The following FDFT1 variants were observed in gnomAD, a reference collection of about 807,000 sequenced individuals.
The protein encoded by FDFT1 is squalene synthase.
In FDFT1, 68 loss-of-function variants were observed where a neutral mutation model predicts 46.8. The ratio of observed to expected loss-of-function variants is 1.45; its 90% CI spans 1.19 to 1.78. The LOEUF is 1.78. FDFT1 is among the 40% of genes most tolerant of loss of function. The probability of loss-of-function intolerance (pLI) is 0.00; values close to 1 mark genes in which losing one functional copy is unlikely to be tolerated. For synonymous variants in FDFT1, 351 were observed against 185.1 expected, an observed-to-expected ratio of 1.90 and a Z score of -7.28; for missense variants, 928 against 524.4, an observed-to-expected ratio of 1.77 and a Z score of -7.52.
At chr8:11,832,217 C>G (rs776727096) in intron 7 of FDFT1, among the ~76,000 whole-genome samples, 81 of 151,776 alleles carry the variant, frequency 5.3e-4, no homozygotes, top group Non-Finnish European at 1.0e-3. Flanking sequence ...AAAAAGAAAA[C>G]TTACCTTCTT....
At chr8:11,803,414 T>C in intron 1 of FDFT1, 1 of 1,288,916 alleles carries the variant, frequency 7.8e-7, no homozygotes, top group Non-Finnish European at 1.0e-6. Context: ...CTGCCTTCCA[T>C]CGCTTCATCC....
chr8:11,837,613 G>C (rs895861005), intron 7 of FDFT1, among the ~76,000 whole-genome samples: 8 of 152,134 alleles, frequency 5.3e-5, no homozygotes, highest in Non-Finnish European at 1.2e-4. Flanking sequence ...TGGACCATGG[G>C]TGGCCTTGCG....
intron 6 of FDFT1, among the ~76,000 whole-genome samples, chr8:11,830,867 C>A (rs929151063): frequency 1.6e-4 from 24 of 152,304 alleles, no homozygotes; most frequent in South Asian, 8.3e-4. Context: ...TAGGAACTTA[C>A]ACTTTTTAGT....
At chr8:11,807,835 C>G (rs989477937) in intron 1 of FDFT1, 1 of 152,168 alleles carries the variant, frequency 6.6e-6, no homozygotes, top group African/African-American at 2.4e-5. Context: ...CAGGGTTGGA[C>G]AGTGGTAGTA....
intron 3 of FDFT1, among the ~76,000 whole-genome samples, chr8:11,817,989 T>G (rs1358324050): frequency 6.6e-6 from 1 of 152,238 alleles, no homozygotes; most frequent in Non-Finnish European, 1.5e-5. Flanking sequence ...CTTTCTCTTG[T>G]GAGCATTTAG....
chr8:11,806,110 G>A (rs974791817), intron 1 of FDFT1, among the ~76,000 whole-genome samples: 4 of 152,174 alleles, frequency 2.6e-5, no homozygotes, highest in African/African-American at 9.7e-5. Context: ...GTTCACTTGT[G>A]GAACTTTCAG....
chr8:11,834,355 G>T (rs1181143414), intron 7 of FDFT1, among the ~76,000 whole-genome samples: 2 of 152,224 alleles, frequency 1.3e-5, no homozygotes, highest in Non-Finnish European at 2.9e-5. Flanking sequence ...TTTTGGGATA[G>T]AAATAAATGC....
At chr8:11,824,199 C>T (rs1027883918) in intron 4 of FDFT1, among the ~76,000 whole-genome samples, 9 of 152,018 alleles carry the variant, frequency 5.9e-5, no homozygotes, top group African/African-American at 2.2e-4. Flanking sequence ...CAGAGCTTAC[C>T]TTCTTTACTT....
chr8:11,821,251 G>C (rs1228375108), intron 3 of FDFT1, among the ~76,000 whole-genome samples: 1 of 152,200 alleles, frequency 6.6e-6, no homozygotes, highest in African/African-American at 2.4e-5. Context: ...AGAAACATTA[G>C]CATTTTTAGA....
intron 3 of FDFT1, among the ~76,000 whole-genome samples, chr8:11,814,693 A>C (rs1808198454): frequency 6.6e-6 from 1 of 152,232 alleles, no homozygotes; most frequent in South Asian, 2.1e-4. Context: ...TGGACTATGG[A>C]AAAAGTATTG....
At chr8:11,804,600 CTTTTTTTTTTTTTT>C in intron 1 of FDFT1, among the ~76,000 whole-genome samples, 1 of 97,356 alleles carries the variant, frequency 1.0e-5, no homozygotes, top group Admixed American at 1.4e-4. Flanking sequence ...CTTAGTTTCT[CTTTTTTTTTTTTTT>C]TTTTTTTGAG....
At chr8:11,804,283 TCTTTC>T (rs1455758066) in intron 1 of FDFT1, among the ~76,000 whole-genome samples, 1 of 152,162 alleles carries the variant, frequency 6.6e-6, no homozygotes, top group Non-Finnish European at 1.5e-5. Context: ...CCTCTATGTC[TCTTTC>T]CTTTCTACAG....
At chr8:11,826,823 A>T (rs913169060) in intron 5 of FDFT1, among the ~76,000 whole-genome samples, 3 of 152,166 alleles carry the variant, frequency 2.0e-5, no homozygotes, top group African/African-American at 7.2e-5. Context: ...TCAAAAGAAG[A>T]GGAAGGGCTT....
upstream of FDFT1, chr8:11,802,395 G>A (rs1235341601): frequency 4.4e-6 from 2 of 456,708 alleles, no homozygotes; most frequent in Admixed American, 2.4e-5. Context: ...TTGGGCTCCT[G>A]CGCATCCTAA....
In FDFT1 at chr8:11,830,428, AG is replaced by A. The variant is rs1379778408; in HGVS notation, c.879+13del. 1 of 1,608,414 alleles carries A rather than the reference AG, an allele frequency of 6.2e-7. No individual in the cohort carries two copies. The highest frequency in any genetic ancestry group is 1.7e-5 in the Admixed American group (1 of 59,992). ...TTCTGTGCTATTCCACAGGTAGGGA[AG>A]GGGGCTCCTCTGGGTGGATACGGGG... On this transcript the variant is annotated intron_variant, in intron 6 of 7. Transcript: ENST00000220584.
chr8:11,823,001 C>T lies in FDFT1; in HGVS notation c.510+1123C>T, dbSNP rs556687531. On this transcript the variant is annotated intron_variant, in intron 4 of 7. Coordinates refer to ENST00000220584, the MANE Select transcript of FDFT1 (RefSeq NM_004462.5). ...AGACAGGGTCTTGCTGTTATCCAGG[C>T]TGGTGTGTAGTGGTGTGATCACGGC... Among the ~76,000 whole-genome samples the T allele has an allele frequency of 1.8e-3, 278 of 152,148 alleles. 2 individuals are homozygous for T. The highest frequency in any genetic ancestry group is 6.5e-3 in the African/African-American group (269 of 41,486).
intron 7 of FDFT1, among the ~76,000 whole-genome samples, chr8:11,837,532 C>T (rs1345676634): frequency 1.1e-4 from 16 of 152,280 alleles, no homozygotes; most frequent in African/African-American, 2.4e-4. Flanking sequence ...GTGCCTGGCC[C>T]GGCAACTGTT....
chr8:11,831,882 G>C lies in FDFT1; in HGVS notation c.1032+212G>C, dbSNP rs144590001. The C allele has an allele frequency of 3.2e-5, 16 of 494,466 alleles. No homozygotes were observed. In the East Asian group the frequency reaches 5.5e-4, roughly 17 times the overall value. 30.6% of individuals were successfully genotyped at this position (494,466 alleles called of 1,614,324 possible). A position where few individuals can be genotyped will look rare whatever the true frequency, so the allele number is the denominator to read the frequency against. ...GCTGTGTAGTACCCTGGTGAGAGGA[G>C]ATAAATGGAGCAAGGCTGTAGGTTG... is the stretch of plus-strand genomic sequence containing the variant. On this transcript the variant is annotated intron_variant, in intron 7 of 7. Transcript: ENST00000220584.
At chr8:11,808,763 T>C (rs1364019775) in intron 1 of FDFT1, 31 bp from the exon 2 acceptor site, 2 of 1,589,478 alleles carry the variant, frequency 1.3e-6, no homozygotes, top group Non-Finnish European at 1.7e-6. Context: ...CCTCGACGTC[T>C]CCCACCGCCG....
Sources: allele counts gnomAD v4.1 joint callset (sites outside exome capture counted in the v4.1 genomes callset), GRCh38; gene constraint gnomAD v4.1.1; transcripts MANE v1.5; gene names NCBI Gene and HGNC (gene_info 2026-07-23, HGNC 2026-07-21).